Variants in TRAK2 observed in about 807,000 individuals in gnomAD.
The protein encoded by TRAK2 is trafficking kinesin-binding protein 2.
A neutral mutation model predicts 104.6 loss-of-function variants in TRAK2; 81 were observed. The observed-to-expected ratio is 0.77, with a 90% CI of 0.65 to 0.93. TRAK2 has a LOEUF of 0.93. Among genes scored for constraint, TRAK2 ranks in the 40% least tolerant of loss-of-function variants. TRAK2 has a pLI of 0.00. For missense variants in TRAK2, 1,002 were observed against 1,089.0 expected, an observed-to-expected ratio of 0.92 and a Z score of 1.12; for synonymous variants, 406 against 394.4, an observed-to-expected ratio of 1.03 and a Z score of -0.35.
Position 201,396,157 on chromosome 2 carries a change from C to G in TRAK2, c.770-713G>C, listed in dbSNP as rs1052161851. 1.3e-5 allele frequency among the ~76,000 whole-genome samples: 2 copies of G among 152,072 alleles called. 1 individual carries two copies. Among genetic ancestry groups the G allele is most frequent in the Admixed American group, 1.3e-4 (2 of 15,260 alleles). On this transcript the variant is annotated intron_variant, in intron 7 of 15. Coordinates refer to ENST00000332624, the MANE Select transcript of TRAK2 (RefSeq NM_015049.3). ...AGCTACTTCTCAGTGTCATGTAAAG[C>G]TATTTTAAAATTGACAGATAGCCTC...
At chr2:201,411,055 TA>T in intron 2 of TRAK2, 1 of 1,225,420 alleles carries the variant, frequency 8.2e-7, no homozygotes. Flanking sequence ...TCAACTGGTG[TA>T]GAAAACATCA....
At chr2:201,394,897 G>C in intron 8 of TRAK2, 25 bp from the exon 9 acceptor site, 1 of 1,588,538 alleles carries the variant, frequency 6.3e-7, no homozygotes, top group Non-Finnish European at 8.6e-7. Context: ...AAAAAGACAT[G>C]TGAAGCCTTT....
chr2:201,422,450 T>C (rs766150286), intron 1 of TRAK2, among the ~76,000 whole-genome samples: 4 of 152,208 alleles, frequency 2.6e-5, no homozygotes, highest in South Asian at 2.1e-4. Flanking sequence ...CTTCTACTTA[T>C]AGTTAATTCA....
chr2:201,448,498 A>G (rs1334602358), intron 1 of TRAK2, among the ~76,000 whole-genome samples: 1 of 152,246 alleles, frequency 6.6e-6, no homozygotes, highest in Non-Finnish European at 1.5e-5. Flanking sequence ...TCAACTATGA[A>G]TAATTTAGTT....
intron 1 of TRAK2, among the ~76,000 whole-genome samples, chr2:201,437,330 C>CTCTCTCCT (rs762434899): frequency 1.3e-5 from 2 of 152,128 alleles, no homozygotes; most frequent in Non-Finnish European, 1.5e-5. Flanking sequence ...TGGGCCCTCT[C>CTCTCTCCT]TCTCTCCTTC....
chr2:201,400,922 C>T (rs1192783030), intron 4 of TRAK2, 96 bp downstream of exon 4: 6 of 876,548 alleles, frequency 6.8e-6, no homozygotes, highest in African/African-American at 3.4e-5. Context: ...ACCCAGAGCA[C>T]GTACAACATT....
intron 3 of TRAK2, among the ~76,000 whole-genome samples, chr2:201,406,331 T>A (rs1200037526): frequency 6.6e-6 from 1 of 152,180 alleles, no homozygotes; most frequent in Non-Finnish European, 1.5e-5. Flanking sequence ...ACTATGAAAA[T>A]GAGTATTTCA....
intron 1 of TRAK2, among the ~76,000 whole-genome samples, chr2:201,439,800 T>G (rs1447810494): frequency 6.7e-6 from 1 of 150,014 alleles, no homozygotes; most frequent in Admixed American, 6.6e-5. Context: ...TGGATGAAAT[T>G]GGAAATCATC....
chr2:201,401,105 T>C lies in TRAK2; in HGVS notation c.287-11A>G. The C allele has an allele frequency of 2.5e-6, 4 of 1,573,360 alleles. No homozygotes were observed. Among genetic ancestry groups the C allele is most frequent in the Non-Finnish European group, 3.5e-6 (4 of 1,152,100 alleles). On this transcript the variant is annotated splice_polypyrimidine_tract_variant and intron_variant, in intron 3 of 15. Coordinates refer to ENST00000332624, the MANE Select transcript of TRAK2 (RefSeq NM_015049.3). Reference sequence around the variant, plus strand: ...TGTCTGTGCCTAGAACTAATATAGTTAAAAACAACTATTTATAGGCTTTAG... The same window carrying C: ...TGTCTGTGCCTAGAACTAATATAGTCAAAAACAACTATTTATAGGCTTTAG...
chr2:201,410,448 C>G (rs1951635655), intron 2 of TRAK2: 8 of 614,914 alleles, frequency 1.3e-5, no homozygotes, highest in Non-Finnish European at 2.3e-5. Flanking sequence ...GAACCATTCA[C>G]TGTCCCATAG....
chr2:201,435,847 G>A (rs1382876041), intron 1 of TRAK2, among the ~76,000 whole-genome samples: 2 of 152,266 alleles, frequency 1.3e-5, no homozygotes, highest in East Asian at 3.9e-4. Context: ...AGGGAAGAGA[G>A]AGAGGTCTCA....
chr2:201,436,412 T>C (rs1951880200), intron 1 of TRAK2, among the ~76,000 whole-genome samples: 1 of 152,132 alleles, frequency 6.6e-6, no homozygotes, highest in African/African-American at 2.4e-5. Context: ...AAAGACACCA[T>C]TGGCCGAAAA....
intron 6 of TRAK2, 69 bp downstream of exon 6, chr2:201,398,076 T>C (rs1951517903): frequency 6.9e-7 from 1 of 1,441,282 alleles, no homozygotes; most frequent in Non-Finnish European, 9.7e-7. Context: ...ATATTTCACC[T>C]CAATAGTACC....
At chr2:201,422,881 T>C (rs1951754272) in intron 1 of TRAK2, among the ~76,000 whole-genome samples, 1 of 152,176 alleles carries the variant, frequency 6.6e-6, no homozygotes, top group South Asian at 2.1e-4. Flanking sequence ...AACACTTCTG[T>C]GGTTATTGGC....
At chr2:201,434,633 TG>T (rs1240416556) in intron 1 of TRAK2, among the ~76,000 whole-genome samples, 1 of 152,172 alleles carries the variant, frequency 6.6e-6, no homozygotes, top group East Asian at 1.9e-4. Flanking sequence ...ATGATATTTT[TG>T]GATTATAGAA....
At chr2:201,395,041 C>T (rs548074960) in intron 8 of TRAK2, 169 bp from the exon 9 acceptor site, 2 of 674,620 alleles carry the variant, frequency 3.0e-6, no homozygotes, top group Non-Finnish European at 4.9e-6. Flanking sequence ...CAAAATCTAT[C>T]AAGGTGTTCA....
At chr2:201,439,602 TGATATCCTCCAG>T (rs1951903620) in intron 1 of TRAK2, among the ~76,000 whole-genome samples, 4 of 152,142 alleles carry the variant, frequency 2.6e-5, no homozygotes, top group African/African-American at 7.2e-5. Flanking sequence ...ATGACTACAG[TGATATCCTCCAG>T]GATTATAAAC....
intron 1 of TRAK2, among the ~76,000 whole-genome samples, chr2:201,440,133 G>A (rs1237545297): frequency 6.7e-6 from 1 of 150,156 alleles, no homozygotes; most frequent in Non-Finnish European, 1.5e-5. Context: ...AAAATAACCC[G>A]CTCATATGTG....
chr2:201,426,426 C>A (rs929927185), intron 1 of TRAK2, among the ~76,000 whole-genome samples: 4 of 152,148 alleles, frequency 2.6e-5, no homozygotes, highest in Admixed American at 6.5e-5. Flanking sequence ...ATAATTATTT[C>A]ATTACATATT....
Sources: allele counts gnomAD v4.1 joint callset (sites outside exome capture counted in the v4.1 genomes callset), GRCh38; gene constraint gnomAD v4.1.1; transcripts MANE v1.5; gene names NCBI Gene and HGNC (gene_info 2026-07-23, HGNC 2026-07-21).